Variants in SVIL observed in about 807,000 individuals in gnomAD.
SVIL encodes archvillin.
SVIL carries 101 observed loss-of-function variants against 240.4 expected under a neutral mutation model. That is an observed-to-expected ratio of 0.42 (90% CI 0.36 to 0.50). SVIL has a LOEUF of 0.50. Among genes scored for constraint, SVIL ranks in the 20% least tolerant of loss-of-function variants. SVIL has a pLI of 0.01. For synonymous variants in SVIL, 999 were observed against 1,100.0 expected (o/e 0.91, Z 1.82); for missense variants, 2,512 against 2,818.7 (o/e 0.89, Z 2.46).
At chr10:29,681,405 T>TGG (rs1409797693) in intron 2 of SVIL, among the ~76,000 whole-genome samples, 3 of 53,570 alleles carry the variant, frequency 5.6e-5, no homozygotes, top group African/African-American at 8.1e-5. Flanking sequence ...AAAGATGGAA[T>TGG]GGTGTGTGTG....
intron 29 of SVIL, among the ~76,000 whole-genome samples, chr10:29,474,594 C>CAAAT (rs59193522): frequency 0.011 from 1,517 of 140,194 alleles, 22 homozygotes; most frequent in African/African-American, 0.024. Flanking sequence ...GACTCTCTTA[C>CAAAT]AAATAAATAA....
At chr10:29,499,372 A>G in intron 17 of SVIL, 109 bp from the exon 18 acceptor site, 2 of 1,402,726 alleles carry the variant, frequency 1.4e-6, no homozygotes, top group Non-Finnish European at 2.0e-6. Context: ...AAGAGGAGTA[A>G]GTATATTGTC....
intron 1 of SVIL, among the ~76,000 whole-genome samples, chr10:29,703,059 C>A (rs998771733): frequency 6.6e-6 from 1 of 152,016 alleles, no homozygotes; most frequent in Non-Finnish European, 1.5e-5. Flanking sequence ...GTGAAGGGGC[C>A]CCATGTAAGC....
intron 1 of SVIL, among the ~76,000 whole-genome samples, chr10:29,612,399 A>G (rs1476902029): frequency 6.6e-6 from 1 of 152,132 alleles, no homozygotes. Flanking sequence ...CATTCTTTAC[A>G]TCATCCATGG....
chr10:29,694,214 C>A (rs1391314482), intron 1 of SVIL, among the ~76,000 whole-genome samples: 2 of 126,242 alleles, frequency 1.6e-5, no homozygotes, highest in Non-Finnish European at 3.2e-5. Flanking sequence ...GGCAACAGAG[C>A]AAGACACTGT....
At chr10:29,500,741 C>T (rs1197420667) in intron 17 of SVIL, among the ~76,000 whole-genome samples, 7 of 152,158 alleles carry the variant, frequency 4.6e-5, no homozygotes, top group African/African-American at 1.7e-4. Flanking sequence ...GATCCTAAGG[C>T]CTCGCGCTGA....
At chr10:29,684,879 T>C (rs1960939674) in intron 2 of SVIL, among the ~76,000 whole-genome samples, 1 of 152,242 alleles carries the variant, frequency 6.6e-6, no homozygotes, top group Non-Finnish European at 1.5e-5. Flanking sequence ...GGTTGGAATT[T>C]GGTATCTTAC....
At chr10:29,543,632 A>G (rs566849000) in intron 6 of SVIL, among the ~76,000 whole-genome samples, 2 of 151,750 alleles carry the variant, frequency 1.3e-5, no homozygotes, top group South Asian at 4.2e-4. Context: ...TGCCTACATG[A>G]TCCTGTTCTC....
At chr10:29,610,144 A>G (rs1407394614) in intron 1 of SVIL, among the ~76,000 whole-genome samples, 1 of 151,862 alleles carries the variant, frequency 6.6e-6, no homozygotes, top group African/African-American at 2.4e-5. Flanking sequence ...TCCCAATTTT[A>G]TCTCTGAGTT....
rs1198519757 is a variant in SVIL, at chr10:29,488,740, G to A, written c.4209C>T (p.Asn1403=). ...AACCCGCCAGGGTGACTTCTGAGAA[G>A]TTGGAGTTGGAAGACACTGGGCACG... ...MKVEKMSSNS[N]FSEVTLAGLA... is the part of the protein sequence containing the mutation. The change falls in exon 23 of 38, where the codon AAC becomes AAT. Residue 1403 remains asparagine (N), a synonymous_variant. Transcript: ENST00000355867. 1.9e-6 allele frequency: 3 copies of A among 1,612,418 alleles called. No individual in the cohort carries two copies. The highest frequency in any genetic ancestry group is 1.3e-5 in the African/African-American group (1 of 74,904).
intron 23 of SVIL, among the ~76,000 whole-genome samples, chr10:29,487,992 CA>C (rs1320608275): frequency 4.6e-5 from 7 of 152,086 alleles, no homozygotes; most frequent in African/African-American, 1.7e-4. Flanking sequence ...ATTCTCATCT[CA>C]AGGATTCATC....
intron 21 of SVIL, among the ~76,000 whole-genome samples, chr10:29,491,975 T>G (rs1948004936): frequency 6.6e-6 from 1 of 152,218 alleles, no homozygotes; most frequent in African/African-American, 2.4e-5. Flanking sequence ...AACTGGAATA[T>G]GCAAAGAATT....
chr10:29,516,241 A>T (rs1950190194), intron 16 of SVIL, among the ~76,000 whole-genome samples: 1 of 152,202 alleles, frequency 6.6e-6, no homozygotes, highest in African/African-American at 2.4e-5. Context: ...ATGTGCTGGC[A>T]GGGTTACCAT....
At chr10:29,732,279 G>A (rs528314081) in intron 1 of SVIL, among the ~76,000 whole-genome samples, 1 of 152,046 alleles carries the variant, frequency 6.6e-6, no homozygotes, top group Non-Finnish European at 1.5e-5. Flanking sequence ...ACATTATAAC[G>A]TTTCTTTATG....
intron 17 of SVIL, among the ~76,000 whole-genome samples, chr10:29,506,656 T>TAGAG (rs567169768): frequency 2.2e-5 from 3 of 134,970 alleles, no homozygotes; most frequent in African/African-American, 3.0e-5. Context: ...ACAGAGGCCC[T>TAGAG]GGAGGGAGGG....
At chr10:29,700,346 C>T (rs1222774350) in intron 1 of SVIL, among the ~76,000 whole-genome samples, 1 of 152,012 alleles carries the variant, frequency 6.6e-6, no homozygotes, top group Non-Finnish European at 1.5e-5. Context: ...CAAGAAGATA[C>T]ATTTACAAAA....
At chr10:29,545,879 A>AG (rs1952637564) in intron 6 of SVIL, among the ~76,000 whole-genome samples, 1 of 138,214 alleles carries the variant, frequency 7.2e-6, no homozygotes, top group Non-Finnish European at 1.6e-5. Flanking sequence ...AAAAAAAAAA[A>AG]GAAAAAGAAA....
intron 1 of SVIL, among the ~76,000 whole-genome samples, chr10:29,728,726 G>T (rs1041712122): frequency 6.6e-6 from 1 of 152,170 alleles, no homozygotes; most frequent in African/African-American, 2.4e-5. Context: ...CAGCATGGAG[G>T]AGCTGAACGG....
At chr10:29,554,314 A>G (rs1953696433) in intron 5 of SVIL, among the ~76,000 whole-genome samples, 1 of 151,856 alleles carries the variant, frequency 6.6e-6, no homozygotes, top group African/African-American at 2.4e-5. Flanking sequence ...GTCTCTAAAA[A>G]AAATAAAAAT....
Sources: gnomAD v4.1 joint callset for allele counts (sites outside exome capture counted in the v4.1 genomes callset) on GRCh38, gnomAD v4.1.1 for gene constraint, MANE v1.5 for transcripts, NCBI Gene and HGNC (gene_info 2026-07-23, HGNC 2026-07-21) for gene names.